Variants in TBC1D16 observed in about 807,000 individuals in gnomAD.
The protein encoded by TBC1D16 is CTD-2529O21.1.
In TBC1D16, 58 loss-of-function variants were observed where a neutral mutation model predicts 74.7. That is an observed-to-expected ratio of 0.78 (90% CI 0.63 to 0.97). The LOEUF (loss-of-function observed/expected upper bound fraction) is 0.97. Ranked by LOEUF, TBC1D16 falls within the 50% of genes least tolerant of loss-of-function variation. TBC1D16 has a pLI of 0.00. For synonymous variants in TBC1D16, 493 were observed against 474.7 expected (o/e 1.04, Z -0.50); for missense variants, 1,014 against 1,079.5 (o/e 0.94, Z 0.85).
chr17:79,934,109 C>A lies in TBC1D16; in HGVS notation c.*6750G>T, dbSNP rs1162413619. 2 of 152,248 alleles carry A rather than the reference C, an allele frequency of 1.3e-5. No homozygotes were observed. The highest frequency in any genetic ancestry group is 1.3e-4 in the Admixed American group (2 of 15,280). The allele number at this position is 152,248 out of a possible 1,614,324, so 9.4% of individuals were successfully genotyped here. A position where few individuals can be genotyped will look rare whatever the true frequency, so the allele number is the denominator to read the frequency against. On this transcript the variant is annotated 3_prime_UTR_variant, in exon 12 of 12. Coordinates refer to ENST00000310924, the MANE Select transcript of TBC1D16 (RefSeq NM_019020.4). The stretch of plus-strand genomic sequence containing the variant: ...GAGCCGGGCCTGCCCGAGGCACGGC[C>A]CCTGAAAAGTGTGGCCCGCCAGGTG...
rs1021613015 is a variant in TBC1D16, at chr17:79,994,895, C to T, written c.779+15265G>A. The stretch of plus-strand genomic sequence containing the variant: ...GAGAATGTAAAACACTTCCCATCGG[C>T]GGCCGTGTATACTGATCCCACATTG... On this transcript the variant is annotated intron_variant, in intron 3 of 11. Transcript: ENST00000310924. This position sits in a 1 kb window ranked among gnomAD's most constrained non-coding sequence, Gnocchi z 4.6. Among the ~76,000 whole-genome samples the T allele has an allele frequency of 6.6e-6, 1 of 152,220 alleles. No individual in the cohort carries two copies. The highest frequency in any genetic ancestry group is 1.5e-5 in the Non-Finnish European group (1 of 68,038).
rs1598305401 is a variant in TBC1D16 at position 79,940,792 on chromosome 17, A to C, written c.*67T>G. 6.3e-6 allele frequency: 9 copies of C among 1,438,412 alleles called. No homozygotes were observed. Among genetic ancestry groups the C allele is most frequent in the African/African-American group, 2.9e-5 (2 of 69,208 alleles). The allele number at this position is 1,438,412 out of a possible 1,614,324, so 89.1% of individuals were successfully genotyped here. On this transcript the variant is annotated 3_prime_UTR_variant, in exon 12 of 12. Transcript: ENST00000310924. The surrounding 1 kb of genome is among the most constrained non-coding windows in gnomAD (Gnocchi z 5.4). ...CCCTGTCCCCTTCACGCCCAGCCCC[A>C]CCCCCTCCCGTGCCCAGGGCCTCTG...
At position 79,971,397 on chromosome 17, in the gene TBC1D16, A is replaced by G. The variant is rs189435579; in HGVS notation, c.780-18579T>C. 6.6e-6 allele frequency among the ~76,000 whole-genome samples: 1 copy of G among 152,214 alleles called. No individual in the cohort carries two copies. The highest frequency in any genetic ancestry group is 1.9e-4 in the East Asian group (1 of 5,198). On this transcript the variant is annotated intron_variant, in intron 3 of 11. Coordinates refer to ENST00000310924, the MANE Select transcript of TBC1D16 (RefSeq NM_019020.4). The surrounding 1 kb of genome is among the most constrained non-coding windows in gnomAD (Gnocchi z 4.6). ...AATTCACGTTGTGGTTAAAAATTTT[A>G]AAAAGACTGAAGTGTGCAGAATCGG...
At chr17:79,951,711 T>A in intron 4 of TBC1D16, 114 bp from the exon 5 acceptor site, 1 of 1,260,492 alleles carries the variant, frequency 7.9e-7, no homozygotes, top group Non-Finnish European at 1.1e-6. Context: ...CAGGAAACAG[T>A]GAGTCCCAGT....
chr17:79,978,561 T>A (rs910279567), intron 3 of TBC1D16, among the ~76,000 whole-genome samples: 2 of 152,234 alleles, frequency 1.3e-5, no homozygotes, highest in Admixed American at 1.3e-4. Context: ...CTTAGTCATA[T>A]GGAGTGACCT....
chr17:79,964,866 A>G (rs1417184455), intron 3 of TBC1D16, among the ~76,000 whole-genome samples: 3 of 152,194 alleles, frequency 2.0e-5, no homozygotes, highest in Non-Finnish European at 4.4e-5. Flanking sequence ...TTGCAAAACT[A>G]TATAAAAATA....
chr17:79,959,005 T>G (rs1260784943), intron 3 of TBC1D16, among the ~76,000 whole-genome samples: 1 of 152,238 alleles, frequency 6.6e-6, no homozygotes, highest in Non-Finnish European at 1.5e-5. Flanking sequence ...CCTCATGGAA[T>G]TTATAAAACA....
In TBC1D16 at chr17:79,950,671, T is replaced by A; in HGVS notation, c.1090-93A>T. The A allele has an allele frequency of 6.4e-7, 1 of 1,555,610 alleles. No homozygotes were observed. The highest frequency in any genetic ancestry group is 8.7e-7 in the Non-Finnish European group (1 of 1,148,374). ...TTTCCCAGGAATAAAAGCCTCTCTC[T>A]CTTCTGAAAGGAGGGCAAGGGCCGT... On this transcript the variant is annotated intron_variant, in intron 5 of 11. Coordinates refer to ENST00000310924, the MANE Select transcript of TBC1D16 (RefSeq NM_019020.4). This position sits in a 1 kb window ranked among gnomAD's most constrained non-coding sequence, Gnocchi z 4.6.
rs776893938 is a variant in TBC1D16, at chr17:80,010,037, G to A, written c.779+123C>T. The A allele has an allele frequency of 3.4e-5, 28 of 829,490 alleles. No individual in the cohort carries two copies. The highest frequency in any genetic ancestry group is 5.2e-5 in the African/African-American group (3 of 57,764). 51.4% of individuals were successfully genotyped at this position (829,490 alleles called of 1,614,324 possible). On this transcript the variant is annotated intron_variant, in intron 3 of 11. Transcript: ENST00000310924. The surrounding 1 kb of genome is among the most constrained non-coding windows in gnomAD (Gnocchi z 8.8). Reference sequence around the variant, plus strand: ...CTGCCACAGCCACGGCCACAGCCGCGGGCAGGTCGGGCAGATGCCTCCAGC... The same window carrying A: ...CTGCCACAGCCACGGCCACAGCCGCAGGCAGGTCGGGCAGATGCCTCCAGC...
chr17:79,936,788 T>A lies in TBC1D16; in HGVS notation c.*4071A>T, dbSNP rs1156866219. The stretch of plus-strand genomic sequence containing the variant: ...GGACGAAGTGGATCCTGAGGCTCAT[T>A]CCCTGGGGACTCCAAGAATGGGGCA... On this transcript the variant is annotated 3_prime_UTR_variant, in exon 12 of 12. Transcript: ENST00000310924. 1 of 152,248 alleles carries A rather than the reference T, an allele frequency of 6.6e-6. No homozygotes were observed. The highest frequency in any genetic ancestry group is 1.5e-5 in the Non-Finnish European group (1 of 68,118). 9.4% of individuals were successfully genotyped at this position (152,248 alleles called of 1,614,324 possible).
At position 80,021,719 on chromosome 17, in the gene TBC1D16, CACCACAG is replaced by C. The variant is rs996111646; in HGVS notation, c.-62-8117_-62-8111del. On this transcript the variant is annotated intron_variant, in intron 1 of 11. Coordinates refer to ENST00000310924, the MANE Select transcript of TBC1D16 (RefSeq NM_019020.4). ...AAACATCACAGACACACACACCACA[CACCACAG>C]ACACACACACTGCACACACCATAGA... Among the ~76,000 whole-genome samples the C allele has an allele frequency of 1.7e-4, 25 of 148,494 alleles. 1 individual carries two copies. In the East Asian group the frequency reaches 4.7e-3, roughly 28 times the overall value.
At position 79,947,767 on chromosome 17, in the gene TBC1D16, G is replaced by A. The variant is rs753307591; in HGVS notation, c.1606C>T (p.Leu536=). Reference sequence around the variant, plus strand: ...ACCTCGGCCAAGATGGGCGCCACCAGGTCCGACATCCCTTGGGAATAGCCG... The same window carrying A: ...ACCTCGGCCAAGATGGGCGCCACCAAGTCCGACATCCCTTGGGAATAGCCG... The part of the protein sequence containing the change: ...AVGYSQGMSD[L]VAPILAEVLD... Residue 536 remains leucine, a synonymous_variant, in exon 9 of 12, where the codon CTG becomes TTG. Coordinates refer to ENST00000310924, the MANE Select transcript of TBC1D16 (RefSeq NM_019020.4). 3.1e-6 allele frequency: 5 copies of A among 1,613,850 alleles called. No homozygotes were observed. The East Asian group carries it at 6.7e-5, about 22-fold the overall frequency.
At chr17:80,018,528 T>C (rs943591792) in intron 1 of TBC1D16, among the ~76,000 whole-genome samples, 3 of 149,774 alleles carry the variant, frequency 2.0e-5, no homozygotes, top group Non-Finnish European at 4.4e-5. Context: ...GTGATCCGCC[T>C]GCCTCGGCCT....
At chr17:79,984,931 G>A (rs576168868) in intron 3 of TBC1D16, among the ~76,000 whole-genome samples, 73 of 127,248 alleles carry the variant, frequency 5.7e-4, no homozygotes, top group South Asian at 2.5e-3. Flanking sequence ...ACAGCCCTGC[G>A]ATGGAGCTGG....
chr17:79,992,308 C>T (rs1172124469), intron 3 of TBC1D16: 1 of 152,366 alleles, frequency 6.6e-6, no homozygotes, highest in East Asian at 1.9e-4. Context: ...CGAGGAATCC[C>T]TGCTGGTCGC....
In TBC1D16 at chr17:80,010,964, C is replaced by T. The variant is rs1279609547; in HGVS notation, c.182-207G>A. Among the ~76,000 whole-genome samples the T allele has an allele frequency of 6.6e-6, 1 of 152,178 alleles. No individual in the cohort carries two copies. Among genetic ancestry groups the T allele is most frequent in the Non-Finnish European group, 1.5e-5 (1 of 68,022 alleles). On this transcript the variant is annotated intron_variant, in intron 2 of 11. Transcript: ENST00000310924. This position sits in a 1 kb window ranked among gnomAD's most constrained non-coding sequence, Gnocchi z 8.8. ...TCCAGCTATGCGTGTTTTTTAAGAA[C>T]ACACACTTCCGGCAGATCCAGGGGG...
intron 3 of TBC1D16, among the ~76,000 whole-genome samples, chr17:79,977,175 A>G (rs2034365582): frequency 6.6e-6 from 1 of 152,162 alleles, no homozygotes; most frequent in East Asian, 1.9e-4. Flanking sequence ...CCCCAGCCCA[A>G]CGTCCAAAGC....
rs1451565865 is a variant in TBC1D16 at position 79,980,326 on chromosome 17, C to T, written c.780-27508G>A. Among the ~76,000 whole-genome samples, 2 of 152,218 alleles carry T rather than the reference C, an allele frequency of 1.3e-5. No homozygotes were observed. The highest frequency in any genetic ancestry group is 6.5e-5 in the Admixed American group (1 of 15,286). ...CCCCTTCTCTCTTGGCTTCACGGCA[C>T]GGGCTTCTTGACCACCATGTAGGGT... On this transcript the variant is annotated intron_variant, in intron 3 of 11. Coordinates refer to ENST00000310924, the MANE Select transcript of TBC1D16 (RefSeq NM_019020.4). The surrounding 1 kb of genome is among the most constrained non-coding windows in gnomAD (Gnocchi z 7.0).
In TBC1D16 at chr17:80,013,622, G is replaced by T; in HGVS notation, c.-62-13C>A. 7.1e-7 allele frequency: 1 copy of T among 1,406,850 alleles called. No homozygotes were observed. The allele number at this position is 1,406,850 out of a possible 1,614,324, so 87.1% of individuals were successfully genotyped here. On this transcript the variant is annotated splice_polypyrimidine_tract_variant and intron_variant, in intron 1 of 11. Transcript: ENST00000310924. ...CGTCAAGACCTGCCTGGGGGAGGAA[G>T]AGAGAGGAGATGGTCAAGGTTGTGG...
Sources: gnomAD v4.1 joint callset for allele counts (sites outside exome capture counted in the v4.1 genomes callset) on GRCh38, gnomAD v4.1.1 for gene constraint, Gnocchi (gnomAD v3.1) non-coding constraint, MANE v1.5 for transcripts, NCBI Gene and HGNC (gene_info 2026-07-23, HGNC 2026-07-21) for gene names.